Variants in BFSP2 observed in about 807,000 individuals in gnomAD.
BFSP2 encodes phakinin.
BFSP2 carries 38 observed loss-of-function variants against 44.9 expected under a neutral mutation model. The ratio of observed to expected loss-of-function variants is 0.85; its 90% CI spans 0.65 to 1.11. The LOEUF is 1.11. BFSP2 is among the 50% of genes least tolerant of loss of function. BFSP2 has a pLI of 0.00. For synonymous variants in BFSP2, 197 were observed against 209.9 expected (o/e 0.94, Z 0.53); for missense variants, 525 against 533.0 (o/e 0.99, Z 0.15).
intron 1 of BFSP2, among the ~76,000 whole-genome samples, chr3:133,428,456 A>G (rs2073674964): frequency 1.4e-5 from 2 of 144,736 alleles, no homozygotes; most frequent in African/African-American, 5.2e-5. Context: ...ATGCACATGG[A>G]ACGTGGGGAC....
intron 6 of BFSP2, among the ~76,000 whole-genome samples, chr3:133,473,768 G>A (rs1241555791): frequency 6.6e-6 from 1 of 151,950 alleles, no homozygotes; most frequent in Admixed American, 6.6e-5. Context: ...AGAGCACAGG[G>A]TTGGGGGTAA....
chr3:133,461,149 A>C (rs1302570564), intron 4 of BFSP2, among the ~76,000 whole-genome samples: 1 of 152,158 alleles, frequency 6.6e-6, no homozygotes, highest in African/African-American at 2.4e-5. Context: ...CCTAATCAGC[A>C]AAGTGGGTCA....
chr3:133,425,807 G>GGAAGGGAAATAAA (rs2073642498), intron 1 of BFSP2, among the ~76,000 whole-genome samples: 3 of 120,452 alleles, frequency 2.5e-5, no homozygotes, highest in African/African-American at 8.0e-5. Context: ...AGGGAAGAAG[G>GGAAGGGAAATAAA]GAAGGGAAGG....
chr3:133,408,312 C>G (rs1487450071), intron 1 of BFSP2, among the ~76,000 whole-genome samples: 1 of 152,146 alleles, frequency 6.6e-6, no homozygotes, highest in African/African-American at 2.4e-5. Context: ...ACCTGAGATA[C>G]CACTTTTACC....
intron 4 of BFSP2, among the ~76,000 whole-genome samples, chr3:133,464,517 G>T (rs140291890): frequency 2.6e-5 from 4 of 152,310 alleles, no homozygotes; most frequent in African/African-American, 4.8e-5. Flanking sequence ...TTTATTATTA[G>T]TAGTATTTAA....
chr3:133,432,258 G>A (rs1320433444), intron 1 of BFSP2, among the ~76,000 whole-genome samples: 1 of 152,182 alleles, frequency 6.6e-6, no homozygotes, highest in Non-Finnish European at 1.5e-5. Flanking sequence ...TTCAGGATCT[G>A]CGCCTTATCA....
chr3:133,465,993 C>G (rs922000757), intron 4 of BFSP2, among the ~76,000 whole-genome samples: 1 of 152,150 alleles, frequency 6.6e-6, no homozygotes, highest in Non-Finnish European at 1.5e-5. Context: ...CCCTTCCAAA[C>G]AAGACAACAC....
chr3:133,471,841 A>C (rs2074164553), intron 5 of BFSP2, among the ~76,000 whole-genome samples: 1 of 152,204 alleles, frequency 6.6e-6, no homozygotes, highest in South Asian at 2.1e-4. Context: ...TTCTAAGGAC[A>C]GTGATCTGGG....
At chr3:133,424,221 T>TGTGTGTGTGTGTGTG (rs879768397) in intron 1 of BFSP2, among the ~76,000 whole-genome samples, 1 of 105,468 alleles carries the variant, frequency 9.5e-6, no homozygotes, top group Non-Finnish European at 1.8e-5. Flanking sequence ...AATTTTTTTT[T>TGTGTGTGTGTGTGTG]TTTTTTTTTT....
chr3:133,467,984 A>C lies in BFSP2; in HGVS notation c.1023+1025A>C, dbSNP rs139071424. Reference sequence around the variant, plus strand: ...GTAAAGAGGCAAATCCCTGAACCACAGTTTCCTCTTCTGCAAAATGGGTAT... The same window carrying C: ...GTAAAGAGGCAAATCCCTGAACCACCGTTTCCTCTTCTGCAAAATGGGTAT... On this transcript the variant is annotated intron_variant, in intron 5 of 6. Transcript: ENST00000302334. Among the ~76,000 whole-genome samples, 491 of 152,306 alleles carry C rather than the reference A, an allele frequency of 3.2e-3. 4 individuals carry two copies. The highest frequency in any genetic ancestry group is 0.011 in the African/African-American group (453 of 41,560).
intron 4 of BFSP2, among the ~76,000 whole-genome samples, chr3:133,465,059 G>A (rs544799469): frequency 6.7e-6 from 1 of 148,944 alleles, no homozygotes; most frequent in Admixed American, 6.7e-5. Context: ...AGGCTGGAGT[G>A]CAGTGGTGCC....
At chr3:133,469,797 G>T (rs1252722917) in intron 5 of BFSP2, among the ~76,000 whole-genome samples, 1 of 152,234 alleles carries the variant, frequency 6.6e-6, no homozygotes, top group African/African-American at 2.4e-5. Context: ...TTAAGGGTGA[G>T]ATGGAAGACA....
chr3:133,425,208 C>A (rs2073632506), intron 1 of BFSP2, among the ~76,000 whole-genome samples: 1 of 152,148 alleles, frequency 6.6e-6, no homozygotes, highest in South Asian at 2.1e-4. Context: ...GCTTACTATG[C>A]ACCAAGCACT....
intron 1 of BFSP2, among the ~76,000 whole-genome samples, chr3:133,411,862 G>A (rs1043590739): frequency 6.6e-6 from 1 of 152,112 alleles, no homozygotes; most frequent in Admixed American, 6.5e-5. Context: ...AAGATGGTAA[G>A]AGAAATCTAT....
At chr3:133,451,110 CAAAAA>C (rs55964213) in intron 4 of BFSP2, among the ~76,000 whole-genome samples, 5 of 95,098 alleles carry the variant, frequency 5.3e-5, no homozygotes. Flanking sequence ...GACTCTGTCT[CAAAAA>C]AAAAAAAAAA....
intron 1 of BFSP2, among the ~76,000 whole-genome samples, chr3:133,446,410 G>A (rs907355335): frequency 2.0e-5 from 3 of 150,986 alleles, no homozygotes; most frequent in African/African-American, 7.3e-5. Flanking sequence ...AACAAAGCAA[G>A]ACTCTGTCTC....
intron 1 of BFSP2, among the ~76,000 whole-genome samples, chr3:133,443,567 G>A (rs2073865736): frequency 6.6e-6 from 1 of 152,228 alleles, no homozygotes; most frequent in South Asian, 2.1e-4. Context: ...GCACAGAGAA[G>A]CATCTGCCGG....
intron 1 of BFSP2, among the ~76,000 whole-genome samples, chr3:133,409,234 G>GTGTGTA (rs1553777215): frequency 6.6e-6 from 1 of 151,514 alleles, no homozygotes; most frequent in Non-Finnish European, 1.5e-5. Flanking sequence ...ACTGGTGTGT[G>GTGTGTA]TGTGTGTGTG....
chr3:133,415,154 G>A (rs1294696031), intron 1 of BFSP2, among the ~76,000 whole-genome samples: 2 of 11,368 alleles, frequency 1.8e-4, no homozygotes, highest in Admixed American at 8.2e-4. Context: ...CCTCTCCCCC[G>A]TCCTCTCCCC....
Sources: allele counts gnomAD v4.1 joint callset (sites outside exome capture counted in the v4.1 genomes callset), GRCh38; gene constraint gnomAD v4.1.1; transcripts MANE v1.5; gene names NCBI Gene and HGNC (gene_info 2026-07-23, HGNC 2026-07-21).